The following TRDN variants were observed in gnomAD, a reference collection of about 807,000 sequenced individuals.
TRDN encodes the protein triadin in skeletal muscle.
A neutral mutation model predicts 149.7 loss-of-function variants in TRDN; 161 were observed. The ratio of observed to expected loss-of-function variants is 1.08; its 90% CI spans 0.95 to 1.23. The LOEUF is 1.23. TRDN is among the 50% of genes most tolerant of loss of function. The pLI is 0.00. For missense variants in TRDN, 896 were observed against 823.5 expected (o/e 1.09, Z -1.08); for synonymous variants, 294 against 250.5 (o/e 1.17, Z -1.64).
chr6:123,568,335 T>C (rs986043312), intron 2 of TRDN, among the ~76,000 whole-genome samples: 2 of 152,170 alleles, frequency 1.3e-5, no homozygotes, highest in East Asian at 1.9e-4. Flanking sequence ...AAGCTGCCAG[T>C]GGATCTATCA....
chr6:123,382,720 T>G (rs1459040834), intron 14 of TRDN, among the ~76,000 whole-genome samples: 4 of 152,008 alleles, frequency 2.6e-5, no homozygotes, highest in Non-Finnish European at 5.9e-5. Context: ...TTTATAACTG[T>G]TATGTAGTAA....
At chr6:123,545,115 A>C (rs181903192) in intron 4 of TRDN, among the ~76,000 whole-genome samples, 98 of 152,128 alleles carry the variant, frequency 6.4e-4, no homozygotes, top group African/African-American at 2.2e-3. Context: ...TAATTTAGGC[A>C]ATAAAAAATG....
chr6:123,267,652 A>G (rs1777058104), intron 32 of TRDN, 55 bp downstream of exon 32: 4 of 1,235,646 alleles, frequency 3.2e-6, no homozygotes, highest in East Asian at 5.4e-5. Context: ...TAATTTTTGA[A>G]TATAATAAAA....
chr6:123,463,969 T>G (rs1776636103), intron 10 of TRDN, among the ~76,000 whole-genome samples: 1 of 152,170 alleles, frequency 6.6e-6, no homozygotes. Context: ...GTGTCCACAT[T>G]GCACACAGAA....
At chr6:123,402,238 A>G (rs1477691351) in intron 12 of TRDN, among the ~76,000 whole-genome samples, 1 of 152,162 alleles carries the variant, frequency 6.6e-6, no homozygotes, top group Non-Finnish European at 1.5e-5. Context: ...TTTTTGTAAC[A>G]GAAAACAGTC....
rs543009313 is a variant in TRDN at position 123,574,979 on chromosome 6, G to A, written c.23-3847C>T. ...GCTCTGAGTTAAAAATGAATTTTAC[G>A]TTTTCTAAACAACTGACATAATATG... On this transcript the variant is annotated intron_variant, in intron 1 of 40. Transcript: ENST00000334268. Among the ~76,000 whole-genome samples, 21 of 147,846 alleles carry A rather than the reference G, an allele frequency of 1.4e-4. 1 individual carries two copies. The highest frequency in any genetic ancestry group is 9.5e-4 in the Admixed American group (14 of 14,670).
intron 22 of TRDN, among the ~76,000 whole-genome samples, chr6:123,332,412 T>A (rs970831629): frequency 6.6e-6 from 1 of 151,976 alleles, no homozygotes; most frequent in Non-Finnish European, 1.5e-5. Context: ...CAAAATAAAA[T>A]TTGAGAGACA....
intron 21 of TRDN, among the ~76,000 whole-genome samples, chr6:123,342,116 T>TA (rs1463203591): frequency 6.6e-6 from 1 of 151,952 alleles, no homozygotes; most frequent in Non-Finnish European, 1.5e-5. Context: ...TTCTTATCCT[T>TA]ATGCGCCTTA....
At chr6:123,500,945 C>T (rs181691917) in intron 8 of TRDN, among the ~76,000 whole-genome samples, 1 of 152,138 alleles carries the variant, frequency 6.6e-6, no homozygotes, top group East Asian at 1.9e-4. Flanking sequence ...TTTCTCCTTC[C>T]CCACAGACCT....
At position 123,292,551 on chromosome 6, in the gene TRDN, G is replaced by T. The variant is rs115956246; in HGVS notation, c.1511-13469C>A. Among the ~76,000 whole-genome samples the T allele has an allele frequency of 2.9e-3, 446 of 152,198 alleles. 3 individuals are homozygous for T. Among genetic ancestry groups the T allele is most frequent in the African/African-American group, 0.01 (416 of 41,526 alleles). ...TAAAATATTACTCTTCTTCAGAGAG[G>T]AAAAATAGCTCCCCTGTTTAGCCAG... On this transcript the variant is annotated intron_variant, in intron 24 of 40. Coordinates refer to ENST00000334268, the MANE Select transcript of TRDN (RefSeq NM_006073.4).
chr6:123,227,067 C>T (rs1775403702), intron 38 of TRDN, among the ~76,000 whole-genome samples: 1 of 151,818 alleles, frequency 6.6e-6, no homozygotes, highest in African/African-American at 2.4e-5. Flanking sequence ...ACATCTTATA[C>T]ATCAGGCTAA....
In TRDN at chr6:123,425,188, A is replaced by C. The variant is rs562146441; in HGVS notation, c.1051+12875T>G. Among the ~76,000 whole-genome samples the C allele has an allele frequency of 2.3e-4, 35 of 151,488 alleles. No individual in the cohort carries two copies. The South Asian group carries it at 7.1e-3, about 31-fold the overall frequency. On this transcript the variant is annotated intron_variant, in intron 12 of 40. Coordinates refer to ENST00000334268, the MANE Select transcript of TRDN (RefSeq NM_006073.4). ...GGAAAAAAGGGTGTAGTAATCTTCT[A>C]ATAAGAGGAAAATACTGAGCATAGA...
At chr6:123,604,658 A>G (rs1010854180) in intron 1 of TRDN, among the ~76,000 whole-genome samples, 1 of 152,162 alleles carries the variant, frequency 6.6e-6, no homozygotes, top group Non-Finnish European at 1.5e-5. Flanking sequence ...CACGAAGAAT[A>G]GAGAGAAAGA....
At chr6:123,480,155 T>C (rs1334975055) in intron 9 of TRDN, among the ~76,000 whole-genome samples, 1 of 151,828 alleles carries the variant, frequency 6.6e-6, no homozygotes, top group Non-Finnish European at 1.5e-5. Context: ...ATGGCAAATA[T>C]TTAAAATATT....
intron 38 of TRDN, among the ~76,000 whole-genome samples, chr6:123,241,885 A>T (rs1776002907): frequency 6.6e-6 from 1 of 152,144 alleles, no homozygotes; most frequent in African/African-American, 2.4e-5. Flanking sequence ...AATTACAGGA[A>T]ACATGGCAAA....
At chr6:123,557,755 C>G (rs1394978192) in intron 2 of TRDN, among the ~76,000 whole-genome samples, 3 of 151,718 alleles carry the variant, frequency 2.0e-5, no homozygotes, top group African/African-American at 7.3e-5. Context: ...ACCTCCAACC[C>G]CTTCCCTCCA....
chr6:123,474,709 A>T (rs977035827), intron 9 of TRDN, among the ~76,000 whole-genome samples: 7 of 152,036 alleles, frequency 4.6e-5, no homozygotes, highest in Non-Finnish European at 1.0e-4. Flanking sequence ...AAAGAACAGA[A>T]ATTATAACAA....
chr6:123,468,754 T>C (rs934687538), intron 9 of TRDN: 6 of 152,198 alleles, frequency 3.9e-5, no homozygotes, highest in African/African-American at 1.4e-4. Context: ...ACTCCCTCTG[T>C]CTTGTAACAA....
At chr6:123,454,094 CA>C (rs1775957534) in intron 10 of TRDN, among the ~76,000 whole-genome samples, 1 of 151,632 alleles carries the variant, frequency 6.6e-6, no homozygotes, top group Non-Finnish European at 1.5e-5. Flanking sequence ...GACACAAAGA[CA>C]TAAGAATGAT....
Sources: allele counts gnomAD v4.1 joint callset (sites outside exome capture counted in the v4.1 genomes callset), GRCh38; gene constraint gnomAD v4.1.1; transcripts MANE v1.5; gene names NCBI Gene and HGNC (gene_info 2026-07-23, HGNC 2026-07-21).